Variants in VAT1L observed in about 807,000 individuals in gnomAD.
VAT1L encodes vesicle amine transport 1 like.
A neutral mutation model predicts 44.1 loss-of-function variants in VAT1L; 34 were observed. The observed-to-expected ratio is 0.77, with a 90% CI of 0.59 to 1.03. The LOEUF (loss-of-function observed/expected upper bound fraction) is 1.03. Ranked by LOEUF, VAT1L falls within the 50% of genes least tolerant of loss-of-function variation. The pLI, the probability that VAT1L is intolerant of heterozygous loss-of-function variation, is 0.00. For synonymous variants in VAT1L, 253 were observed against 202.2 expected (o/e 1.25, Z -2.13); for missense variants, 615 against 538.8 (o/e 1.14, Z -1.40).
intron 1 of VAT1L, among the ~76,000 whole-genome samples, chr16:77,808,197 G>C (rs987803928): frequency 1.3e-5 from 2 of 152,070 alleles, no homozygotes; most frequent in African/African-American, 4.8e-5. Flanking sequence ...GGCAGCATTA[G>C]GTTCTCATAG....
chr16:77,806,630 A>T (rs2016165364), intron 1 of VAT1L, among the ~76,000 whole-genome samples: 2 of 152,242 alleles, frequency 1.3e-5, no homozygotes, highest in Admixed American at 1.3e-4. Context: ...GGCGTGAGCC[A>T]CCGCGCCCAG....
rs935381987 is a variant in VAT1L, at chr16:77,979,621, A to G, written c.*1926A>G. On this transcript the variant is annotated 3_prime_UTR_variant, in exon 9 of 9. Coordinates refer to ENST00000302536, the MANE Select transcript of VAT1L (RefSeq NM_020927.3). Reference sequence around the variant, plus strand: ...GGGGAGTGGGAACTCAGCCACATTCAGAATTCACATCGCCTTTGTTATGTC... The same window carrying G: ...GGGGAGTGGGAACTCAGCCACATTCGGAATTCACATCGCCTTTGTTATGTC... 1.3e-5 allele frequency: 2 copies of G among 152,176 alleles called. No homozygotes were observed. Among genetic ancestry groups the G allele is most frequent in the Non-Finnish European group, 2.9e-5 (2 of 68,026 alleles). The allele number at this position is 152,176 out of a possible 1,614,324, so 9.4% of individuals were successfully genotyped here. A position where few individuals can be genotyped will look rare whatever the true frequency, so the allele number is the denominator to read the frequency against.
intron 7 of VAT1L, among the ~76,000 whole-genome samples, chr16:77,905,986 A>G (rs1203458275): frequency 6.6e-6 from 1 of 152,130 alleles, no homozygotes. Flanking sequence ...TTGATGTTTG[A>G]GGTTCCCCTC....
intron 1 of VAT1L, among the ~76,000 whole-genome samples, chr16:77,791,827 G>T (rs1268929626): frequency 6.6e-6 from 1 of 152,186 alleles, no homozygotes; most frequent in Non-Finnish European, 1.5e-5. Flanking sequence ...AACTGTTGCT[G>T]GGGTCAGGGT....
chr16:77,789,173 C>T (rs1287179109), intron 1 of VAT1L, among the ~76,000 whole-genome samples: 1 of 152,150 alleles, frequency 6.6e-6, no homozygotes, highest in African/African-American at 2.4e-5. Flanking sequence ...CGCCCAGGCA[C>T]CCCGGGTCTG....
chr16:77,818,417 T>A (rs1030874523), intron 2 of VAT1L, among the ~76,000 whole-genome samples: 1 of 152,144 alleles, frequency 6.6e-6, no homozygotes, highest in Non-Finnish European at 1.5e-5. Flanking sequence ...TTATACGAAT[T>A]TACATTTTTT....
intron 3 of VAT1L, among the ~76,000 whole-genome samples, chr16:77,836,666 ATGCCT>A (rs1234777407): frequency 6.6e-6 from 1 of 152,184 alleles, no homozygotes; most frequent in Non-Finnish European, 1.5e-5. Context: ...TAGCAGCAAA[ATGCCT>A]TAGGTTAAAA....
intron 3 of VAT1L, among the ~76,000 whole-genome samples, chr16:77,837,905 A>T (rs28645790): frequency 6.6e-6 from 1 of 152,038 alleles, no homozygotes; most frequent in Non-Finnish European, 1.5e-5. Flanking sequence ...TCACTGTCTC[A>T]TTAGACAATA....
intron 4 of VAT1L, among the ~76,000 whole-genome samples, chr16:77,874,853 A>C (rs1286827212): frequency 6.6e-6 from 1 of 150,728 alleles, no homozygotes; most frequent in East Asian, 1.9e-4. Flanking sequence ...AAAAAAAAAA[A>C]AAAAAAAAAA....
At chr16:77,814,249 G>C (rs1420637359) in intron 1 of VAT1L, among the ~76,000 whole-genome samples, 1 of 152,144 alleles carries the variant, frequency 6.6e-6, no homozygotes, top group Non-Finnish European at 1.5e-5. Flanking sequence ...ACACTCGGGA[G>C]TACTCTGTTA....
chr16:77,961,663 T>G (rs2018161713), intron 7 of VAT1L, among the ~76,000 whole-genome samples: 1 of 152,090 alleles, frequency 6.6e-6, no homozygotes, highest in African/African-American at 2.4e-5. Flanking sequence ...CCTGCCATTT[T>G]CCCCTGGCTG....
intron 1 of VAT1L, among the ~76,000 whole-genome samples, chr16:77,807,827 G>C (rs2016191250): frequency 6.6e-6 from 1 of 152,094 alleles, no homozygotes; most frequent in Admixed American, 6.5e-5. Context: ...TAAGGCCCAA[G>C]GTCAAGCAAC....
intron 7 of VAT1L, among the ~76,000 whole-genome samples, chr16:77,932,919 A>G (rs895185947): frequency 6.6e-6 from 1 of 152,212 alleles, no homozygotes; most frequent in Non-Finnish European, 1.5e-5. Context: ...TTAGAACTCT[A>G]CAGAAACAGA....
intron 2 of VAT1L, among the ~76,000 whole-genome samples, chr16:77,822,259 C>T (rs774726467): frequency 2.6e-5 from 4 of 152,122 alleles, no homozygotes; most frequent in Non-Finnish European, 4.4e-5. Flanking sequence ...CTCAGCCTCC[C>T]AAATAGCTGG....
chr16:77,923,900 CT>C (rs1440171284), intron 7 of VAT1L, among the ~76,000 whole-genome samples: 3 of 152,230 alleles, frequency 2.0e-5, no homozygotes, highest in African/African-American at 7.2e-5. Context: ...GTCAAGCTGA[CT>C]GTCTCTCCAC....
At chr16:77,896,327 A>G (rs2017324463) in intron 7 of VAT1L, among the ~76,000 whole-genome samples, 1 of 151,924 alleles carries the variant, frequency 6.6e-6, no homozygotes, top group African/African-American at 2.4e-5. Flanking sequence ...CATTATCCCA[A>G]CCCTGAGTTA....
At chr16:77,861,147 T>C (rs557345605) in intron 3 of VAT1L, among the ~76,000 whole-genome samples, 24 of 152,324 alleles carry the variant, frequency 1.6e-4, no homozygotes, top group Non-Finnish European at 3.1e-4. Context: ...TTTCCATAAA[T>C]TGACCTGCCA....
chr16:77,897,294 T>C (rs2017334461), intron 7 of VAT1L, among the ~76,000 whole-genome samples: 2 of 152,210 alleles, frequency 1.3e-5, no homozygotes, highest in African/African-American at 4.8e-5. Flanking sequence ...GAAATGGGGA[T>C]ACTACCATGT....
chr16:77,965,018 G>A (rs548960209), intron 7 of VAT1L, among the ~76,000 whole-genome samples: 4 of 152,020 alleles, frequency 2.6e-5, no homozygotes, highest in African/African-American at 7.2e-5. Context: ...TTGAACTCCC[G>A]ACCTCAGGTG....
Sources: gnomAD v4.1 joint callset for allele counts (sites outside exome capture counted in the v4.1 genomes callset) on GRCh38, gnomAD v4.1.1 for gene constraint, MANE v1.5 for transcripts, NCBI Gene and HGNC (gene_info 2026-07-23, HGNC 2026-07-21) for gene names.